Variants in KAZN observed in about 807,000 individuals in gnomAD.
KAZN encodes kazrin.
A neutral mutation model predicts 87.4 loss-of-function variants in KAZN; 40 were observed. That is an observed-to-expected ratio of 0.46 (90% CI 0.36 to 0.60). KAZN has a LOEUF of 0.60. Ranked by LOEUF, KAZN falls within the 20% of genes least tolerant of loss-of-function variation. The pLI is 0.00. For synonymous variants in KAZN, 466 were observed against 458.3 expected (o/e 1.02, Z -0.22); for missense variants, 898 against 1,073.9 (o/e 0.84, Z 2.29).
At chr1:14,133,377 A>AAAAT (rs1553132989) in intron 1 of KAZN, among the ~76,000 whole-genome samples, 1 of 72,098 alleles carries the variant, frequency 1.4e-5, no homozygotes, top group South Asian at 4.7e-4. Context: ...AAAAAAAAAA[A>AAAAT]AAAGAAAGAA....
chr1:15,103,471 T>C lies in KAZN; in HGVS notation c.1881+11T>C, dbSNP rs1396372241. On this transcript the variant is annotated intron_variant, in intron 12 of 14. Transcript: ENST00000376030. ...GACATCGACCTGAAGGTGAGGGTGATAGCGGAGGTCGGGGTGACTCTCGGG... is the reference window on the plus strand; with the variant it reads ...GACATCGACCTGAAGGTGAGGGTGACAGCGGAGGTCGGGGTGACTCTCGGG... 4 of 1,537,214 alleles carry C rather than the reference T, an allele frequency of 2.6e-6. No homozygotes were observed. Among genetic ancestry groups the C allele is most frequent in the Non-Finnish European group, 3.5e-6 (4 of 1,136,978 alleles).
chr1:14,191,142 AT>A (rs1181513169), intron 2 of KAZN, among the ~76,000 whole-genome samples: 2 of 152,190 alleles, frequency 1.3e-5, no homozygotes, highest in Non-Finnish European at 2.9e-5. Context: ...AAAAGGGTGC[AT>A]TGAATGCATT....
At chr1:15,088,392 C>A (rs553940169) in intron 8 of KAZN, among the ~76,000 whole-genome samples, 1 of 151,928 alleles carries the variant, frequency 6.6e-6, no homozygotes, top group South Asian at 2.1e-4. Context: ...GGTGTGCATG[C>A]GTGCATATGT....
At chr1:14,474,279 A>G (rs1380253754) in intron 2 of KAZN, among the ~76,000 whole-genome samples, 1 of 152,190 alleles carries the variant, frequency 6.6e-6, no homozygotes, top group African/African-American at 2.4e-5. Context: ...AAATGATATA[A>G]TTTATGATAG....
Position 14,108,508 on chromosome 1 carries a change from C to T in KAZN, c.92-71927C>T, listed in dbSNP as rs545961117. On this transcript the variant is annotated intron_variant, in intron 1 of 16. Coordinates refer to the KAZN transcript ENST00000636203. ...TGTGCTGCTGCTCAAAACGTGGCAT[C>T]GTGCCAGACAGATCTCCCTCCCAGG... 1.6e-3 allele frequency among the ~76,000 whole-genome samples: 249 copies of T among 152,274 alleles called. 1 individual carries two copies. Among genetic ancestry groups the T allele is most frequent in the African/African-American group, 5.8e-3 (240 of 41,544 alleles).
chr1:14,880,596 C>T (rs1162488692), intron 1 of KAZN, among the ~76,000 whole-genome samples: 1 of 152,092 alleles, frequency 6.6e-6, no homozygotes, highest in Non-Finnish European at 1.5e-5. Context: ...GGCACCGGAC[C>T]CAGAGGCTCC....
intron 1 of KAZN, among the ~76,000 whole-genome samples, chr1:14,655,362 T>C (rs4661509): frequency 0.55 from 83,879 of 152,104 alleles, 23,406 homozygotes; most frequent in Admixed American, 0.6. Context: ...TAACTTGCTC[T>C]GCAAGTATGA....
At chr1:14,519,779 G>A (rs537433624) in intron 2 of KAZN, among the ~76,000 whole-genome samples, 2 of 152,270 alleles carry the variant, frequency 1.3e-5, no homozygotes, top group East Asian at 3.9e-4. Flanking sequence ...GAGAGATGCA[G>A]GAGGATCCCC....
intron 1 of KAZN, among the ~76,000 whole-genome samples, chr1:14,822,030 CCT>C (rs1340894286): frequency 1.3e-5 from 2 of 152,284 alleles, no homozygotes; most frequent in Middle Eastern, 3.4e-3. Context: ...CTAAAGAAAG[CCT>C]CTGTTTGTTT....
At chr1:13,973,612 G>A (rs1459577068) in intron 1 of KAZN, among the ~76,000 whole-genome samples, 1 of 152,232 alleles carries the variant, frequency 6.6e-6, no homozygotes, top group Non-Finnish European at 1.5e-5. Context: ...TGTAGCCCAA[G>A]GGTACTGCAT....
chr1:14,537,776 C>G (rs1159825298), intron 2 of KAZN, among the ~76,000 whole-genome samples: 1 of 152,170 alleles, frequency 6.6e-6, no homozygotes, highest in Non-Finnish European at 1.5e-5. Context: ...CACATTTTCA[C>G]CCTTGTCTCA....
chr1:14,316,292 A>G (rs371972085), intron 2 of KAZN, among the ~76,000 whole-genome samples: 2 of 151,790 alleles, frequency 1.3e-5, no homozygotes, highest in African/African-American at 2.4e-5. Context: ...CACTTTGTTT[A>G]TTCGTATTTT....
At chr1:14,268,503 G>T (rs1264039561) in intron 2 of KAZN, among the ~76,000 whole-genome samples, 3 of 151,296 alleles carry the variant, frequency 2.0e-5, no homozygotes, top group Non-Finnish European at 4.4e-5. Context: ...AAACTCAACA[G>T]CACAGATTGA....
Position 14,717,723 on chromosome 1 carries a change from C to T in KAZN, c.226+118500C>T, listed in dbSNP as rs566967053. On this transcript the variant is annotated intron_variant, in intron 1 of 14. Coordinates refer to ENST00000376030, the MANE Select transcript of KAZN (RefSeq NM_201628.3). ...AAAGTGGAACCTGAGGCCCAAGAGG[C>T]CCCTGGGGCTGACACCCCTGTGGGG... Among the ~76,000 whole-genome samples, 16 of 152,214 alleles carry T rather than the reference C, an allele frequency of 1.1e-4. No homozygotes were observed. The East Asian group carries it at 3.1e-3, about 29-fold the overall frequency.
intron 2 of KAZN, among the ~76,000 whole-genome samples, chr1:14,363,967 ATT>A (rs34042579): frequency 0.21 from 31,041 of 145,718 alleles, 3,848 homozygotes; most frequent in Middle Eastern, 0.32. Context: ...TACTCACAAT[ATT>A]TTTTTTTTTT....
intron 1 of KAZN, among the ~76,000 whole-genome samples, chr1:14,017,664 TGA>T (rs1318402707): frequency 6.6e-6 from 1 of 152,228 alleles, no homozygotes; most frequent in Non-Finnish European, 1.5e-5. Context: ...GTGCAGCTCT[TGA>T]GTAAAATCCT....
chr1:15,102,246 AAAAAAAAG>A (rs760896258), intron 11 of KAZN, among the ~76,000 whole-genome samples: 17 of 152,006 alleles, frequency 1.1e-4, no homozygotes, highest in Non-Finnish European at 2.5e-4. Context: ...TGCTATTTTA[AAAAAAAAG>A]AAAAAAAGAA....
chr1:13,943,381 G>T (rs534629398), intron 1 of KAZN, among the ~76,000 whole-genome samples: 45 of 152,126 alleles, frequency 3.0e-4, no homozygotes, highest in African/African-American at 1.1e-3. Context: ...GAGGTGGGAG[G>T]ATCCCTTGAG....
chr1:14,397,575 C>A (rs775603718), intron 2 of KAZN, among the ~76,000 whole-genome samples: 1 of 151,952 alleles, frequency 6.6e-6, no homozygotes, highest in African/African-American at 2.4e-5. Context: ...AAGGCAGAAG[C>A]GCTGGGGGCG....
Sources: allele counts gnomAD v4.1 joint callset (sites outside exome capture counted in the v4.1 genomes callset), GRCh38; gene constraint gnomAD v4.1.1; transcripts MANE v1.5; gene names NCBI Gene and HGNC (gene_info 2026-07-23, HGNC 2026-07-21).